PXDNL: variants seen among roughly 807,000 people sequenced by gnomAD.
The protein encoded by PXDNL is probable oxidoreductase PXDNL.
In PXDNL, 145 loss-of-function variants were observed where a neutral mutation model predicts 150.8. The observed-to-expected ratio is 0.96, with a 90% CI of 0.84 to 1.10. The LOEUF is 1.10. PXDNL is among the 50% of genes least tolerant of loss of function. PXDNL has a pLI of 0.00. For synonymous variants in PXDNL, 757 were observed against 725.7 expected, an observed-to-expected ratio of 1.04 and a Z score of -0.69; for missense variants, 2,087 against 1,873.9, an observed-to-expected ratio of 1.11 and a Z score of -2.10.
chr8:51,382,788 A>G (rs1807588948), intron 17 of PXDNL, among the ~76,000 whole-genome samples: 1 of 152,218 alleles, frequency 6.6e-6, no homozygotes, highest in South Asian at 2.1e-4. Flanking sequence ...AAAGTTACAT[A>G]GGGTCAGATT....
At chr8:51,489,747 A>G (rs1401208923) in intron 5 of PXDNL, among the ~76,000 whole-genome samples, 1 of 152,234 alleles carries the variant, frequency 6.6e-6, no homozygotes, top group Non-Finnish European at 1.5e-5. Flanking sequence ...TCTTGAACTT[A>G]TAATTTTATA....
chr8:51,589,739 C>A (rs76214667), intron 3 of PXDNL, among the ~76,000 whole-genome samples: 5,108 of 152,194 alleles, frequency 0.034, 234 homozygotes, highest in East Asian at 0.24. Flanking sequence ...TACTTCTAAC[C>A]ACATGCATTG....
intron 21 of PXDNL, among the ~76,000 whole-genome samples, chr8:51,321,581 G>A (rs1805316110): frequency 6.6e-6 from 1 of 151,990 alleles, no homozygotes; most frequent in Non-Finnish European, 1.5e-5. Flanking sequence ...GAATTCTCAT[G>A]AGATCTGATG....
At chr8:51,756,823 G>A (rs1405524601) in intron 1 of PXDNL, among the ~76,000 whole-genome samples, 1 of 151,384 alleles carries the variant, frequency 6.6e-6, no homozygotes, top group Non-Finnish European at 1.5e-5. Flanking sequence ...TACATGTTCA[G>A]ACATTCTAGC....
rs140983282 is a variant in PXDNL, at chr8:51,714,231, C to T, written c.165-59471G>A. On this transcript the variant is annotated intron_variant, in intron 1 of 22. Transcript: ENST00000356297. ...TTAACAAATATGCCCATATTTTGTG[C>T]ACCCAGATTCTCTCTTTTGCCACAT... Among the ~76,000 whole-genome samples, 1,423 of 152,282 alleles carry T rather than the reference C, an allele frequency of 9.3e-3. 18 individuals carry two copies. The highest frequency in any genetic ancestry group is 0.028 in the African/African-American group (1,161 of 41,554).
intron 20 of PXDNL, among the ~76,000 whole-genome samples, chr8:51,340,772 C>A (rs989658408): frequency 2.0e-5 from 3 of 152,204 alleles, no homozygotes; most frequent in Admixed American, 2.0e-4. Flanking sequence ...GAGCTAGAGG[C>A]ACCATGAATC....
chr8:51,621,448 CTGTGTGTGTG>C (rs10531050), intron 2 of PXDNL, among the ~76,000 whole-genome samples: 14,560 of 142,200 alleles, frequency 0.1, 1,580 homozygotes, highest in African/African-American at 0.28. Flanking sequence ...GTGTGTGTGT[CTGTGTGTGTG>C]TGTGTGTGTG....
intron 2 of PXDNL, among the ~76,000 whole-genome samples, chr8:51,652,531 T>C (rs1815064303): frequency 6.6e-6 from 1 of 152,158 alleles, no homozygotes; most frequent in Non-Finnish European, 1.5e-5. Flanking sequence ...ACCATCTGTA[T>C]TCCAGGGAAG....
chr8:51,377,262 T>A (rs200377625), intron 17 of PXDNL, among the ~76,000 whole-genome samples: 2 of 14,598 alleles, frequency 1.4e-4, no homozygotes, highest in Admixed American at 3.1e-3. Flanking sequence ...TTCTAGGGGA[T>A]TTTTTTTTTT....
chr8:51,807,530 T>C lies in PXDNL; in HGVS notation c.164+1651A>G, dbSNP rs547203313. 2.6e-5 allele frequency among the ~76,000 whole-genome samples: 4 copies of C among 152,276 alleles called. No individual in the cohort carries two copies. In the East Asian group the frequency reaches 7.7e-4, roughly 29 times the overall value. ...ATATCAAACACTGTTAGCATCTCCATTTTTACAGATTAGGAAACTGTGACA... is the reference window on the plus strand; with the variant it reads ...ATATCAAACACTGTTAGCATCTCCACTTTTACAGATTAGGAAACTGTGACA... On this transcript the variant is annotated intron_variant, in intron 1 of 22. Transcript: ENST00000356297.
intron 1 of PXDNL, among the ~76,000 whole-genome samples, chr8:51,710,316 A>G (rs1816470061): frequency 1.3e-5 from 2 of 152,352 alleles, no homozygotes; most frequent in South Asian, 4.1e-4. Flanking sequence ...ATCTATTTTA[A>G]CTGACAAAGA....
intron 19 of PXDNL, among the ~76,000 whole-genome samples, chr8:51,359,594 A>G (rs139691948): frequency 1.3e-4 from 20 of 152,356 alleles, no homozygotes; most frequent in African/African-American, 4.8e-4. Context: ...GTACAGATAT[A>G]TACAGTAAAT....
intron 1 of PXDNL, among the ~76,000 whole-genome samples, chr8:51,718,887 G>A (rs1386449273): frequency 6.6e-6 from 1 of 152,102 alleles, no homozygotes; most frequent in African/African-American, 2.4e-5. Context: ...CTAGTCATTT[G>A]TGTTAAAAAT....
intron 17 of PXDNL, among the ~76,000 whole-genome samples, chr8:51,391,025 T>A (rs540734893): frequency 9.8e-5 from 15 of 152,320 alleles, no homozygotes; most frequent in African/African-American, 3.6e-4. Context: ...GATAGTTTAC[T>A]GAGAATGATG....
chr8:51,518,860 G>A (rs1811600286), intron 4 of PXDNL, among the ~76,000 whole-genome samples: 1 of 152,116 alleles, frequency 6.6e-6, no homozygotes, highest in Non-Finnish European at 1.5e-5. Flanking sequence ...AAACCTGGGA[G>A]GTGATAATTG....
intron 21 of PXDNL, among the ~76,000 whole-genome samples, chr8:51,331,727 G>C (rs1385671539): frequency 6.6e-6 from 1 of 151,852 alleles, no homozygotes; most frequent in Non-Finnish European, 1.5e-5. Context: ...TCACTTCCTC[G>C]ACAACCTGCA....
At chr8:51,670,928 T>C (rs962175426) in intron 1 of PXDNL, among the ~76,000 whole-genome samples, 1 of 152,246 alleles carries the variant, frequency 6.6e-6, no homozygotes, top group Admixed American at 6.5e-5. Flanking sequence ...ATCTTTTCAT[T>C]GCCATGCATA....
At position 51,448,557 on chromosome 8, in the gene PXDNL, T is replaced by C. The variant is rs987344980; in HGVS notation, c.1366+445A>G. ...GTCTCTATTAAAAATACAGAAAAAG[T>C]AGCCGGGCGTGGTGGCGGGCACCTG... On this transcript the variant is annotated intron_variant, in intron 11 of 22. Coordinates refer to ENST00000356297, the MANE Select transcript of PXDNL (RefSeq NM_144651.5). Among the ~76,000 whole-genome samples the C allele has an allele frequency of 4.6e-5, 7 of 151,648 alleles. No individual in the cohort carries two copies. In the South Asian group the frequency reaches 8.3e-4, roughly 18 times the overall value.
At chr8:51,772,220 T>TTC (rs759758555) in intron 1 of PXDNL, among the ~76,000 whole-genome samples, 7 of 141,168 alleles carry the variant, frequency 5.0e-5, no homozygotes, top group African/African-American at 1.1e-4. Flanking sequence ...GTCTCTCTCT[T>TTC]TCTCTCTCTC....
Sources: allele counts gnomAD v4.1 joint callset (sites outside exome capture counted in the v4.1 genomes callset), GRCh38; gene constraint gnomAD v4.1.1; transcripts MANE v1.5; gene names NCBI Gene and HGNC (gene_info 2026-07-23, HGNC 2026-07-21).